DENND3: variants seen among roughly 807,000 people sequenced by gnomAD.
The protein encoded by DENND3 is DENN domain containing 3, also known as DENN domain-containing protein 3.
DENND3 carries 88 observed loss-of-function variants against 135.1 expected under a neutral mutation model. The observed-to-expected ratio is 0.65, with a 90% confidence interval of 0.55 to 0.78. The LOEUF (loss-of-function observed/expected upper bound fraction) is 0.78, where lower values mean the gene tolerates loss of function less well. DENND3 is among the 30% of genes least tolerant of loss of function. The pLI is 0.00. For missense variants in DENND3, 1,392 were observed against 1,688.4 expected (o/e 0.82, Z 3.08); for synonymous variants, 693 against 712.3 (o/e 0.97, Z 0.43).
At position 141,155,895 on chromosome 8, in the gene DENND3, C is replaced by T. The variant is rs143980058; in HGVS notation, c.1121C>T (p.Thr374Ile). The T allele has an allele frequency of 1.2e-6, 2 of 1,612,834 alleles. No individual in the cohort carries two copies. The highest frequency in any genetic ancestry group is 1.3e-5 in the African/African-American group (1 of 74,882). The stretch of plus-strand genomic sequence containing the variant: ...ATAAATATTGATCATGGGAGCATCA[C>T]CTACTCCAAGTCCACGGACGATAAC... ...VLINIDHGSI[T>I]YSKSTDDNVD... is the part of the protein sequence containing the mutation. Residue 374 changes from threonine to isoleucine, a missense_variant, in exon 8 of 23, where the codon ACC becomes ATC. By Grantham distance (89) the Thr-to-Ile change is moderately conservative. Transcript: ENST00000519811.
intron 8 of DENND3, among the ~76,000 whole-genome samples, 165 bp from the exon 9 acceptor site, chr8:141,160,467 A>T (rs1288929891): frequency 2.0e-5 from 3 of 152,332 alleles, no homozygotes; most frequent in African/African-American, 7.2e-5. Context: ...GGCGTGAGCC[A>T]CCGCGTCCAG....
At chr8:141,134,520 T>C (rs1405137299) in intron 1 of DENND3, among the ~76,000 whole-genome samples, 1 of 152,004 alleles carries the variant, frequency 6.6e-6, no homozygotes. Context: ...CCTGACCTCG[T>C]GATCTGCCTC....
rs975930485 is a variant in DENND3 at position 141,137,499 on chromosome 8, C to A, written c.386-523C>A. ...CAGTTCATCTGCAGCGGTTCCACCCCCAGTGTGCCTGAGCCTCTCCCTTCC... is the reference window on the plus strand; with the variant it reads ...CAGTTCATCTGCAGCGGTTCCACCCACAGTGTGCCTGAGCCTCTCCCTTCC... On this transcript the variant is annotated intron_variant, in intron 2 of 22. Coordinates refer to ENST00000519811, the MANE Select transcript of DENND3 (RefSeq NM_001352890.3). This position sits in a 1 kb window ranked among gnomAD's most constrained non-coding sequence, Gnocchi z 4.1. Among the ~76,000 whole-genome samples the A allele has an allele frequency of 1.3e-5, 2 of 152,180 alleles. No homozygotes were observed. The highest frequency in any genetic ancestry group is 4.8e-5 in the African/African-American group (2 of 41,432).
chr8:141,136,897 G>A, intron 2 of DENND3, 106 bp downstream of exon 2: 1 of 1,234,898 alleles, frequency 8.1e-7, no homozygotes, highest in Non-Finnish European at 1.1e-6. Flanking sequence ...GAGCGGCAGA[G>A]CCAGGGACCC....
intron 8 of DENND3, among the ~76,000 whole-genome samples, chr8:141,159,050 A>G (rs138241241): frequency 1.3e-5 from 2 of 152,324 alleles, no homozygotes; most frequent in South Asian, 2.1e-4. Flanking sequence ...GCTGGTAAAC[A>G]TCACAGTTCT....
At chr8:141,188,944 C>T (rs373358836) in intron 18 of DENND3, 42 bp from the exon 19 acceptor site, 77 of 1,602,108 alleles carry the variant, frequency 4.8e-5, no homozygotes, top group Middle Eastern at 1.7e-4. Flanking sequence ...TCACCAGTAT[C>T]GAGACTGACT....
intron 4 of DENND3, chr8:141,142,907 C>T (rs1245976672): frequency 1.3e-5 from 2 of 156,648 alleles, no homozygotes; most frequent in East Asian, 1.9e-4. Flanking sequence ...GCCTCCTGGT[C>T]GATGTTATGT....
rs755431059 is a variant in DENND3 at position 141,192,543 on chromosome 8, G to A, written c.3516G>A (p.Ala1172=). The stretch of plus-strand genomic sequence containing the variant: ...CGTTTCAGGAGGAGCAGCTGTGGGC[G>A]GCCTGTGCAGGACGCAGCGAGGTTT... ...QLLPEEEQLW[A]ACAGRSEVYI... The change falls in exon 22 of 23, where the codon GCG becomes GCA. Residue 1172 remains alanine (A), a synonymous_variant. Transcript: ENST00000519811. The A allele has an allele frequency of 4.4e-6, 7 of 1,591,720 alleles. No individual in the cohort carries two copies. Among genetic ancestry groups the A allele is most frequent in the African/African-American group, 2.7e-5 (2 of 74,376 alleles).
intron 13 of DENND3, among the ~76,000 whole-genome samples, chr8:141,170,792 G>T (rs1821448345): frequency 6.6e-6 from 1 of 152,238 alleles, no homozygotes; most frequent in Non-Finnish European, 1.5e-5. Context: ...CATGCATGGA[G>T]GCTCCTCCGT....
chr8:141,155,062 G>T (rs1019251416), intron 7 of DENND3, among the ~76,000 whole-genome samples: 4 of 152,130 alleles, frequency 2.6e-5, no homozygotes, highest in Non-Finnish European at 4.4e-5. Context: ...CTCATTTGAG[G>T]TCCCTAGAGG....
At chr8:141,192,853 T>C (rs1211864294) in intron 22 of DENND3, 190 bp downstream of exon 22, 2 of 1,537,888 alleles carry the variant, frequency 1.3e-6, no homozygotes, top group Admixed American at 2.0e-5. Context: ...GCTGGTTTCA[T>C]GGTGTGGTCC....
rs1304701441 is a variant in DENND3, at chr8:141,166,250, G to A, written c.1614G>A (p.Lys538=). The change falls in exon 12 of 23, where the codon AAG becomes AAA. Residue 538 remains lysine (K), a synonymous_variant. Coordinates refer to ENST00000519811, the MANE Select transcript of DENND3 (RefSeq NM_001352890.3). The surrounding 1 kb of genome is among the most constrained non-coding windows in gnomAD (Gnocchi z 4.3). The part of the protein sequence containing the change: ...RPTVEKRASR[K]SSHLHVTHRR... ...CCGTTGAGAAAAGAGCCTCCCGGAA[G>A]TCCTCGCACCTGCATGTCACCCACA... 6.2e-7 allele frequency: 1 copy of A among 1,614,164 alleles called. No individual in the cohort carries two copies.
rs1823735505 is a variant in DENND3, at chr8:141,185,196, T to C, written c.3002T>C (p.Leu1001Pro). The C allele has an allele frequency of 6.2e-7, 1 of 1,614,258 alleles. No homozygotes were observed. Among genetic ancestry groups the C allele is most frequent in the Non-Finnish European group, 8.5e-7 (1 of 1,180,036 alleles). Residue 1001 changes from leucine to proline, a missense_variant, in exon 18 of 23, where the codon CTG (leucine) becomes CCG (proline). Physicochemically the swap from Leu to Pro is moderately conservative, Grantham distance 98. Coordinates refer to ENST00000519811, the MANE Select transcript of DENND3 (RefSeq NM_001352890.3). The stretch of plus-strand genomic sequence containing the variant: ...GCTCACCCCAAGTTATGGTGTGCTC[T>C]GAGCGAAGGCAAGGTGACCGTGTTC... ...EDAHPKLWCA[L>P]SEGKVTVFNA...
chr8:141,132,390 G>T (rs372441822), intron 1 of DENND3, among the ~76,000 whole-genome samples: 1 of 151,826 alleles, frequency 6.6e-6, no homozygotes, highest in Non-Finnish European at 1.5e-5. Context: ...GGAGTTTCAC[G>T]CTTGTTGCCC....
At chr8:141,134,733 G>T (rs529667845) in intron 1 of DENND3, among the ~76,000 whole-genome samples, 1 of 152,202 alleles carries the variant, frequency 6.6e-6, no homozygotes, top group African/African-American at 2.4e-5. Flanking sequence ...ATTTCTTCCA[G>T]CGTAAGACTC....
intron 17 of DENND3, among the ~76,000 whole-genome samples, chr8:141,181,487 C>T (rs775827776): frequency 1.9e-4 from 29 of 152,224 alleles, no homozygotes; most frequent in African/African-American, 5.5e-4. Context: ...CCCTGAGTGC[C>T]TGCCAGTCCC....
At chr8:141,132,316 G>C (rs369361685) in intron 1 of DENND3, among the ~76,000 whole-genome samples, 5 of 152,124 alleles carry the variant, frequency 3.3e-5, no homozygotes, top group African/African-American at 1.2e-4. Context: ...AATTATGGGA[G>C]GGCCGTCCCT....
chr8:141,190,572 A>T lies in DENND3; in HGVS notation c.3379+155A>T. The T allele has an allele frequency of 7.6e-6, 9 of 1,182,456 alleles. No homozygotes were observed. The South Asian group carries it at 1.7e-4, about 22-fold the overall frequency. 73.2% of individuals were successfully genotyped at this position (1,182,456 alleles called of 1,614,324 possible). ...CCTTTCTGTGGTCGCAGCAACCTTT[A>T]CTCCACCTGCACTGCTGCTCCTGGG... is the stretch of plus-strand genomic sequence containing the variant. On this transcript the variant is annotated intron_variant, in intron 20 of 22. Coordinates refer to ENST00000519811, the MANE Select transcript of DENND3 (RefSeq NM_001352890.3).
intron 8 of DENND3, chr8:141,158,359 G>A: frequency 8.4e-7 from 1 of 1,186,286 alleles, no homozygotes; most frequent in South Asian, 1.5e-5. Flanking sequence ...GTGAGACTGT[G>A]TTGAAGCTCT....
Sources: gnomAD v4.1 joint callset for allele counts (sites outside exome capture counted in the v4.1 genomes callset) on GRCh38, gnomAD v4.1.1 for gene constraint, Gnocchi (gnomAD v3.1) non-coding constraint, MANE v1.5 for transcripts, NCBI Gene and HGNC (gene_info 2026-07-23, HGNC 2026-07-21) for gene names.